The following PCSK2 variants were observed in gnomAD, a reference collection of about 807,000 sequenced individuals.
PCSK2 encodes the protein proprotein convertase subtilisin/kexin type 2, also known as neuroendocrine convertase 2.
A neutral mutation model predicts 69.7 loss-of-function variants in PCSK2; 14 were observed. The observed-to-expected ratio is 0.20, with a 90% CI of 0.13 to 0.31. The LOEUF (loss-of-function observed/expected upper bound fraction) is 0.31, where lower values mean the gene tolerates loss of function less well. Ranked by LOEUF, PCSK2 falls within the 10% of genes least tolerant of loss-of-function variation. The probability of loss-of-function intolerance (pLI) is 1.00; values close to 1 mark genes in which losing one functional copy is unlikely to be tolerated. For synonymous variants in PCSK2, 307 were observed against 320.7 expected (o/e 0.96, Z 0.46); for missense variants, 544 against 842.5 (o/e 0.65, Z 4.39).
At chr20:17,335,843 G>C (rs996551801) in intron 2 of PCSK2, among the ~76,000 whole-genome samples, 1 of 143,436 alleles carries the variant, frequency 7.0e-6, no homozygotes, top group Non-Finnish European at 1.5e-5. Flanking sequence ...TTTTCTGGCT[G>C]AGTAGTAGTC....
chr20:17,430,170 G>A (rs1402500681), intron 7 of PCSK2, among the ~76,000 whole-genome samples: 1 of 151,964 alleles, frequency 6.6e-6, no homozygotes, highest in African/African-American at 2.4e-5. Context: ...AAATAAGAGT[G>A]GCAAGTCACT....
At chr20:17,380,039 G>C (rs1171396095) in intron 5 of PCSK2, among the ~76,000 whole-genome samples, 1 of 152,162 alleles carries the variant, frequency 6.6e-6, no homozygotes, top group African/African-American at 2.4e-5. Context: ...GAATGAACTT[G>C]AAAGAGGACC....
At chr20:17,265,063 C>T (rs1987541929) in intron 2 of PCSK2, among the ~76,000 whole-genome samples, 1 of 152,256 alleles carries the variant, frequency 6.6e-6, no homozygotes, top group Middle Eastern at 3.4e-3. Flanking sequence ...ACGGTTTCAC[C>T]ATGTTGGCCG....
chr20:17,252,410 A>T (rs1038912958), intron 1 of PCSK2, among the ~76,000 whole-genome samples: 17 of 152,358 alleles, frequency 1.1e-4, no homozygotes, highest in Middle Eastern at 3.4e-3. Flanking sequence ...GCAGCTTGTG[A>T]ATAACTCTGC....
At chr20:17,411,865 C>G (rs923318110) in intron 6 of PCSK2, among the ~76,000 whole-genome samples, 2 of 152,226 alleles carry the variant, frequency 1.3e-5, no homozygotes, top group African/African-American at 4.8e-5. Context: ...ATTTGCTGTT[C>G]TGCAGCCTCT....
chr20:17,368,162 T>G (rs1306797431), intron 4 of PCSK2, among the ~76,000 whole-genome samples: 4 of 152,362 alleles, frequency 2.6e-5, no homozygotes, highest in East Asian at 1.9e-4. Context: ...CTAGCCTTAG[T>G]AAGCATGCAG....
At chr20:17,361,249 T>C (rs1365994853) in intron 4 of PCSK2, among the ~76,000 whole-genome samples, 1 of 152,240 alleles carries the variant, frequency 6.6e-6, no homozygotes, top group Non-Finnish European at 1.5e-5. Context: ...TTATTGCTGC[T>C]TTCAGAATGA....
rs577840780 is a variant in PCSK2 at position 17,250,432 on chromosome 20, G to A, written c.178-9808G>A. On this transcript the variant is annotated intron_variant, in intron 1 of 11. Transcript: ENST00000262545. ...TGCCCTTCTTAGTGCATCATAGCAT[G>A]ACTCATCACTGGTGAAGTTAACTTA... Among the ~76,000 whole-genome samples, 3 of 152,274 alleles carry A rather than the reference G, an allele frequency of 2.0e-5. No individual in the cohort carries two copies. In the East Asian group the frequency reaches 5.8e-4, roughly 29 times the overall value.
rs1371797675 is a variant in PCSK2, at chr20:17,347,948, GAA to G, written c.283-10377_283-10376del. Among the ~76,000 whole-genome samples, 40 of 62,048 alleles carry G rather than the reference GAA, an allele frequency of 6.4e-4. 4 individuals carry two copies. The highest frequency in any genetic ancestry group is 1.6e-3 in the African/African-American group (34 of 21,392). The allele number at this position is 62,048 out of a possible 152,430, so 40.7% of individuals were successfully genotyped here. A position where few individuals can be genotyped will look rare whatever the true frequency, so the allele number is the denominator to read the frequency against. On this transcript the variant is annotated intron_variant, in intron 2 of 11. Coordinates refer to ENST00000262545, the MANE Select transcript of PCSK2 (RefSeq NM_002594.5). Reference sequence around the variant, plus strand: ...GAGAGAAAAAAGAGAAAGAAAGAAAGAAAGAAAGAAAGAGAAAGAAAGAAAGA... The same window carrying G: ...GAGAGAAAAAAGAGAAAGAAAGAAAGAGAAAGAAAGAGAAAGAAAGAAAGA...
chr20:17,334,591 A>C (rs892557328), intron 2 of PCSK2, among the ~76,000 whole-genome samples: 1 of 152,100 alleles, frequency 6.6e-6, no homozygotes, highest in African/African-American at 2.4e-5. Flanking sequence ...GTGATGGCTG[A>C]CTTTGGGGCA....
intron 2 of PCSK2, among the ~76,000 whole-genome samples, chr20:17,353,257 T>C (rs913761331): frequency 2.0e-5 from 3 of 151,654 alleles, no homozygotes; most frequent in African/African-American, 4.9e-5. Flanking sequence ...GGTCAGGAGA[T>C]TGAGACCATC....
At chr20:17,347,917 AAAGG>A (rs1990717884) in intron 2 of PCSK2, among the ~76,000 whole-genome samples, 1 of 113,270 alleles carries the variant, frequency 8.8e-6, no homozygotes, top group African/African-American at 3.6e-5. Context: ...AGAAAGAAAG[AAAGG>A]AGAGAGAAAA....
At chr20:17,443,044 GACA>G (rs1346270873) in intron 8 of PCSK2, among the ~76,000 whole-genome samples, 1 of 152,134 alleles carries the variant, frequency 6.6e-6, no homozygotes, top group African/African-American at 2.4e-5. Context: ...GACTGTGGAG[GACA>G]ACTTTTCTAA....
intron 10 of PCSK2, among the ~76,000 whole-genome samples, chr20:17,460,341 C>T (rs924910059): frequency 2.6e-5 from 4 of 152,132 alleles, no homozygotes; most frequent in Non-Finnish European, 5.9e-5. Flanking sequence ...TTCCAAGGAG[C>T]CCCACCCAGT....
intron 1 of PCSK2, among the ~76,000 whole-genome samples, chr20:17,255,621 G>A (rs935050612): frequency 6.6e-6 from 1 of 152,162 alleles, no homozygotes; most frequent in African/African-American, 2.4e-5. Flanking sequence ...GATTACAGGC[G>A]TGAGCCACCG....
intron 2 of PCSK2, among the ~76,000 whole-genome samples, chr20:17,348,190 G>A (rs2029878138): frequency 6.6e-6 from 1 of 152,186 alleles, no homozygotes; most frequent in Non-Finnish European, 1.5e-5. Context: ...ATGGGGACTT[G>A]TGTTGCATTT....
At chr20:17,362,884 G>C (rs1172175434) in intron 4 of PCSK2, among the ~76,000 whole-genome samples, 1 of 152,226 alleles carries the variant, frequency 6.6e-6, no homozygotes, top group East Asian at 1.9e-4. Flanking sequence ...GACAAGGGCA[G>C]CTCCCCACAT....
chr20:17,233,111 A>G (rs1230312602), intron 1 of PCSK2, among the ~76,000 whole-genome samples: 8 of 152,104 alleles, frequency 5.3e-5, no homozygotes, highest in Admixed American at 5.2e-4. Flanking sequence ...TGTCCCCAAT[A>G]CACCTCTTGT....
At chr20:17,277,231 A>G (rs1422767529) in intron 2 of PCSK2, among the ~76,000 whole-genome samples, 2 of 152,220 alleles carry the variant, frequency 1.3e-5, no homozygotes, top group African/African-American at 2.4e-5. Context: ...TAAAGTTTAT[A>G]TAGAACCAAA....
Sources: gnomAD v4.1 joint callset for allele counts (sites outside exome capture counted in the v4.1 genomes callset) on GRCh38, gnomAD v4.1.1 for gene constraint, MANE v1.5 for transcripts, NCBI Gene and HGNC (gene_info 2026-07-23, HGNC 2026-07-21) for gene names.